KSR2: variants seen among roughly 807,000 people sequenced by gnomAD.
KSR2 encodes the protein kinase suppressor of ras 2.
In KSR2, 25 loss-of-function variants were observed where a neutral mutation model predicts 107.8. That is an observed-to-expected ratio of 0.23 (90% CI 0.17 to 0.32). The LOEUF is 0.32. Among genes scored for constraint, KSR2 ranks in the 10% least tolerant of loss-of-function variants. KSR2 has a pLI of 1.00. For synonymous variants in KSR2, 480 were observed against 507.0 expected (o/e 0.95, Z 0.71); for missense variants, 887 against 1,268.9 (o/e 0.70, Z 4.57).
At chr12:117,924,584 A>AAG (rs1439351397) in intron 1 of KSR2, among the ~76,000 whole-genome samples, 2 of 149,286 alleles carry the variant, frequency 1.3e-5, no homozygotes, top group Non-Finnish European at 3.0e-5. Flanking sequence ...AAAAAAAAAA[A>AAG]AAAAAAAAAA....
At chr12:117,478,278 A>T (rs1271948977) in intron 16 of KSR2, among the ~76,000 whole-genome samples, 1 of 152,164 alleles carries the variant, frequency 6.6e-6, no homozygotes, top group Non-Finnish European at 1.5e-5. Context: ...GCCATATCTA[A>T]ATACCTTCAA....
chr12:117,742,551 GA>G (rs770916874), intron 4 of KSR2, among the ~76,000 whole-genome samples: 11 of 151,670 alleles, frequency 7.3e-5, no homozygotes, highest in Non-Finnish European at 1.5e-4. Flanking sequence ...TGGATGGATG[GA>G]TGAATGGGCA....
At chr12:117,864,409 T>A (rs1893406909) in intron 1 of KSR2, among the ~76,000 whole-genome samples, 2 of 152,210 alleles carry the variant, frequency 1.3e-5, no homozygotes, top group Admixed American at 6.5e-5. Flanking sequence ...AATGTTGATG[T>A]AAATGTGTGT....
chr12:117,489,121 T>C (rs1872617341), intron 14 of KSR2, among the ~76,000 whole-genome samples: 1 of 151,656 alleles, frequency 6.6e-6, no homozygotes, highest in Non-Finnish European at 1.5e-5. Context: ...CTGACCTACA[T>C]GCTGAAAGTC....
Position 117,752,184 on chromosome 12 carries a change from G to A in KSR2, c.986+8827C>T, listed in dbSNP as rs182650013. Among the ~76,000 whole-genome samples the A allele has an allele frequency of 8.9e-4, 136 of 152,312 alleles. 1 individual carries two copies. Among genetic ancestry groups the A allele is most frequent in the Admixed American group, 2.7e-3 (41 of 15,292 alleles). On this transcript the variant is annotated intron_variant, in intron 4 of 19. Coordinates refer to ENST00000339824, the MANE Select transcript of KSR2 (RefSeq NM_173598.6). ...GGAACAGAGAGAATGGGGTTTGAGT[G>A]AAGGTATAATAAACACGGCTCTTAT... is the stretch of plus-strand genomic sequence containing the variant.
In KSR2 at chr12:117,899,035, GAT is replaced by G. The variant is rs1894601030; in HGVS notation, c.181-38606_181-38605del. On this transcript the variant is annotated intron_variant, in intron 1 of 19. Coordinates refer to ENST00000339824, the MANE Select transcript of KSR2 (RefSeq NM_173598.6). ...CCTCCCTCCATAGAATCTTGGCGCA[GAT>G]GATCTCATTACATCTTCGGTAGGTA... Among the ~76,000 whole-genome samples the G allele has an allele frequency of 2.0e-5, 3 of 152,274 alleles. No individual in the cohort carries two copies. In the East Asian group the frequency reaches 5.8e-4, roughly 29 times the overall value.
intron 1 of KSR2, among the ~76,000 whole-genome samples, chr12:117,955,818 C>A (rs1187562914): frequency 6.8e-6 from 1 of 147,958 alleles, no homozygotes; most frequent in African/African-American, 2.5e-5. Flanking sequence ...CAGTGAGCCA[C>A]CTTTGTAATT....
intron 4 of KSR2, among the ~76,000 whole-genome samples, chr12:117,705,316 T>C (rs1167219532): frequency 6.6e-6 from 1 of 152,150 alleles, no homozygotes; most frequent in African/African-American, 2.4e-5. Context: ...CACTGCAAAA[T>C]GCCAGCTCCA....
At chr12:117,886,070 T>C (rs1231002167) in intron 1 of KSR2, among the ~76,000 whole-genome samples, 5 of 149,852 alleles carry the variant, frequency 3.3e-5, no homozygotes, top group Admixed American at 6.7e-5. Context: ...CACTCCAGCC[T>C]GGGCAACAGA....
chr12:117,783,212 A>G (rs1459926103), intron 3 of KSR2, among the ~76,000 whole-genome samples: 1 of 152,188 alleles, frequency 6.6e-6, no homozygotes, highest in Non-Finnish European at 1.5e-5. Context: ...ACTACAAGGT[A>G]GTTATTAATA....
At chr12:117,850,817 A>AC (rs1656745965) in intron 3 of KSR2, among the ~76,000 whole-genome samples, 1 of 151,904 alleles carries the variant, frequency 6.6e-6, no homozygotes, top group African/African-American at 2.4e-5. Context: ...TCAAAAAAAA[A>AC]AAAAATACAC....
intron 14 of KSR2, among the ~76,000 whole-genome samples, chr12:117,507,450 T>C (rs1260576241): frequency 6.6e-6 from 1 of 152,224 alleles, no homozygotes; most frequent in East Asian, 1.9e-4. Context: ...CAAAGGCTTT[T>C]ACTAGGCTAC....
rs1192770773 is a variant in KSR2 at position 117,466,313 on chromosome 12, C to T, written c.*886G>A. 1 of 152,162 alleles carries T rather than the reference C, an allele frequency of 6.6e-6. No homozygotes were observed. Among genetic ancestry groups the T allele is most frequent in the African/African-American group, 2.4e-5 (1 of 41,428 alleles). The allele number at this position is 152,162 out of a possible 1,614,324, so 9.4% of individuals were successfully genotyped here. A position where few individuals can be genotyped will look rare whatever the true frequency, so the allele number is the denominator to read the frequency against. ...ATGTCCTAGAACTCCCTGCCCAGAG[C>T]CCTGATTCTCAGGGACCAGACTTCA... On this transcript the variant is annotated 3_prime_UTR_variant, in exon 20 of 20. Transcript: ENST00000339824.
At chr12:117,860,601 G>T (rs1893259359) in intron 1 of KSR2, among the ~76,000 whole-genome samples, 170 bp from the exon 2 acceptor site, 1 of 152,214 alleles carries the variant, frequency 6.6e-6, no homozygotes, top group Non-Finnish European at 1.5e-5. Context: ...CCTCGTTGGT[G>T]AAGATGGTCA....
chr12:117,785,273 G>T (rs528079317), intron 3 of KSR2, among the ~76,000 whole-genome samples: 2 of 151,850 alleles, frequency 1.3e-5, no homozygotes, highest in Admixed American at 6.6e-5. Flanking sequence ...AAATTAGCTG[G>T]GCATGGTGGC....
In KSR2 at chr12:117,472,321, C is replaced by T. The variant is rs898616044; in HGVS notation, c.2583-1001G>A. ...GGATTGCTCTAGTGAGTAGCATGTG[C>T]CATGAAGGGGGTGATGGGCCAGGTG... On this transcript the variant is annotated intron_variant, in intron 17 of 19. Coordinates refer to ENST00000339824, the MANE Select transcript of KSR2 (RefSeq NM_173598.6). 2.6e-5 allele frequency among the ~76,000 whole-genome samples: 4 copies of T among 152,204 alleles called. No individual in the cohort carries two copies. The East Asian group carries it at 7.7e-4, about 29-fold the overall frequency.
intron 14 of KSR2, among the ~76,000 whole-genome samples, chr12:117,506,834 T>G (rs1873713073): frequency 6.6e-6 from 1 of 152,112 alleles, no homozygotes; most frequent in Admixed American, 6.5e-5. Flanking sequence ...TAGATTTATT[T>G]ATATATGTAT....
At chr12:117,745,485 C>T (rs969321381) in intron 4 of KSR2, among the ~76,000 whole-genome samples, 2 of 152,076 alleles carry the variant, frequency 1.3e-5, no homozygotes, top group Non-Finnish European at 2.9e-5. Context: ...GGAATTCAAA[C>T]AACTCAATAG....
chr12:117,497,051 T>C (rs923369202), intron 14 of KSR2, among the ~76,000 whole-genome samples: 4 of 151,834 alleles, frequency 2.6e-5, no homozygotes, highest in Non-Finnish European at 5.9e-5. Flanking sequence ...CTAATTTTTA[T>C]ATTTTTAGTG....
Sources: gnomAD v4.1 joint callset for allele counts (sites outside exome capture counted in the v4.1 genomes callset) on GRCh38, gnomAD v4.1.1 for gene constraint, MANE v1.5 for transcripts, NCBI Gene and HGNC (gene_info 2026-07-23, HGNC 2026-07-21) for gene names.